PCSK2: variants seen among roughly 807,000 people sequenced by gnomAD.
PCSK2 encodes neuroendocrine convertase 2.
In PCSK2, 14 loss-of-function variants were observed where a neutral mutation model predicts 69.7. The ratio of observed to expected loss-of-function variants is 0.20; its 90% CI spans 0.13 to 0.31. PCSK2 has a LOEUF of 0.31. Ranked by LOEUF, PCSK2 falls within the 10% of genes least tolerant of loss-of-function variation. The pLI is 1.00. For synonymous variants in PCSK2, 307 were observed against 320.7 expected (o/e 0.96, Z 0.46); for missense variants, 544 against 842.5 (o/e 0.65, Z 4.39).
chr20:17,477,837 G>A (rs900641013), intron 11 of PCSK2, among the ~76,000 whole-genome samples: 2 of 152,078 alleles, frequency 1.3e-5, no homozygotes, highest in Non-Finnish European at 2.9e-5. Context: ...GATTGACTTC[G>A]CATTTGGTGG....
chr20:17,233,897 C>T lies in PCSK2; in HGVS notation c.177+6415C>T, dbSNP rs564082451. Among the ~76,000 whole-genome samples, 31 of 152,234 alleles carry T rather than the reference C, an allele frequency of 2.0e-4. No homozygotes were observed. In the South Asian group the frequency reaches 6.4e-3, roughly 32 times the overall value. On this transcript the variant is annotated intron_variant, in intron 1 of 11. Transcript: ENST00000262545. ...TGCCTGATGCATAAGAATTCTCTAT[C>T]GATTGTTTCTCTGTGTTCTGCTCTC...
intron 8 of PCSK2, among the ~76,000 whole-genome samples, chr20:17,449,287 T>C (rs1194073230): frequency 1.3e-5 from 2 of 152,094 alleles, no homozygotes; most frequent in Non-Finnish European, 2.9e-5. Context: ...CAGTGCTGGC[T>C]CTTGGGTCAT....
rs186304850 is a variant in PCSK2, at chr20:17,483,924, T to C, written c.*1854T>C. On this transcript the variant is annotated 3_prime_UTR_variant, in exon 12 of 12. Transcript: ENST00000262545. The stretch of plus-strand genomic sequence containing the variant: ...GAAATATATATACATATGTAGACTA[T>C]ATACATGTGTGTATATATGTGTATA... 47 of 152,734 alleles carry C rather than the reference T, an allele frequency of 3.1e-4. No homozygotes were observed. Among genetic ancestry groups the C allele is most frequent in the Admixed American group, 2.0e-3 (30 of 15,292 alleles). 9.5% of individuals were successfully genotyped at this position (152,734 alleles called of 1,614,324 possible). A position where few individuals can be genotyped will look rare whatever the true frequency, so the allele number is the denominator to read the frequency against.
chr20:17,277,599 C>T (rs1465094470), intron 2 of PCSK2, among the ~76,000 whole-genome samples: 9 of 142,824 alleles, frequency 6.3e-5, no homozygotes, highest in African/African-American at 2.2e-4. Context: ...AATGTTAGAC[C>T]TAAAACCATA....
intron 4 of PCSK2, among the ~76,000 whole-genome samples, chr20:17,362,710 G>C (rs1160095007): frequency 3.3e-5 from 5 of 152,220 alleles, no homozygotes; most frequent in African/African-American, 1.2e-4. Context: ...CGGTAACTCT[G>C]CCACTTATGT....
intron 2 of PCSK2, among the ~76,000 whole-genome samples, chr20:17,308,239 A>T (rs1989390527): frequency 6.6e-6 from 1 of 152,200 alleles, no homozygotes; most frequent in Non-Finnish European, 1.5e-5. Context: ...CCCCTGACCC[A>T]ACCACCTCCC....
At chr20:17,240,604 A>G (rs1407924830) in intron 1 of PCSK2, among the ~76,000 whole-genome samples, 1 of 152,216 alleles carries the variant, frequency 6.6e-6, no homozygotes, top group Non-Finnish European at 1.5e-5. Context: ...TGCTACACAG[A>G]GGACCTAAAG....
intron 6 of PCSK2, among the ~76,000 whole-genome samples, chr20:17,409,541 T>C (rs1289636398): frequency 6.6e-6 from 1 of 152,226 alleles, no homozygotes; most frequent in Non-Finnish European, 1.5e-5. Context: ...CTTTTGACTG[T>C]TTTGTTCTGC....
In PCSK2 at chr20:17,364,103, G is replaced by A. The variant is rs1015293607; in HGVS notation, c.505+3463G>A. ...GTATACACATGTAATTAACCTGCAC[G>A]TTGTGCACATGTACCCTAAAACTTA... is the stretch of plus-strand genomic sequence containing the variant. On this transcript the variant is annotated intron_variant, in intron 4 of 11. Transcript: ENST00000262545. 5.3e-5 allele frequency among the ~76,000 whole-genome samples: 8 copies of A among 151,536 alleles called. No individual in the cohort carries two copies. The East Asian group carries it at 1.4e-3, about 26-fold the overall frequency.
At chr20:17,462,358 A>T (rs2033027742) in intron 10 of PCSK2, among the ~76,000 whole-genome samples, 1 of 152,202 alleles carries the variant, frequency 6.6e-6, no homozygotes, top group Non-Finnish European at 1.5e-5. Context: ...CTCAAACATC[A>T]CTGTACAGAA....
chr20:17,449,534 A>ATATATATATGTATG (rs1187572390), intron 8 of PCSK2, among the ~76,000 whole-genome samples: 2 of 148,608 alleles, frequency 1.3e-5, no homozygotes, highest in Non-Finnish European at 1.5e-5. Context: ...ATGTATATAT[A>ATATATATATGTATG]TATATGTATA....
chr20:17,399,137 T>C (rs571336064), intron 5 of PCSK2, among the ~76,000 whole-genome samples: 5 of 152,368 alleles, frequency 3.3e-5, no homozygotes, highest in African/African-American at 1.2e-4. Context: ...ACAGTCCTAT[T>C]ATCAAAATGA....
At chr20:17,268,060 T>TATAAAA (rs1555783170) in intron 2 of PCSK2, among the ~76,000 whole-genome samples, 4 of 146,172 alleles carry the variant, frequency 2.7e-5, no homozygotes, top group African/African-American at 1.0e-4. Flanking sequence ...TATATATATA[T>TATAAAA]ATAATGCATT....
chr20:17,240,975 G>A (rs1273440433), intron 1 of PCSK2, among the ~76,000 whole-genome samples: 1 of 152,194 alleles, frequency 6.6e-6, no homozygotes, highest in Non-Finnish European at 1.5e-5. Flanking sequence ...TAAACATAGT[G>A]TTTGATCTGC....
At chr20:17,364,205 C>CAAAT (rs902128687) in intron 4 of PCSK2, among the ~76,000 whole-genome samples, 10 of 151,844 alleles carry the variant, frequency 6.6e-5, no homozygotes, top group African/African-American at 1.9e-4. Context: ...TCAATAAATT[C>CAAAT]AAATAAATAA....
chr20:17,440,779 T>C (rs2032578311), intron 8 of PCSK2, among the ~76,000 whole-genome samples: 1 of 151,784 alleles, frequency 6.6e-6, no homozygotes, highest in Non-Finnish European at 1.5e-5. Context: ...GGAGAATCAC[T>C]TGAACCCGGG....
intron 2 of PCSK2, among the ~76,000 whole-genome samples, chr20:17,354,779 A>G (rs556548297): frequency 6.6e-6 from 1 of 152,328 alleles, no homozygotes; most frequent in Admixed American, 6.5e-5. Flanking sequence ...GTGAAAAAAG[A>G]ATTCACAACT....
intron 2 of PCSK2, among the ~76,000 whole-genome samples, chr20:17,272,590 GATCAGC>G (rs1314423331): frequency 1.3e-5 from 2 of 151,938 alleles, no homozygotes; most frequent in Admixed American, 6.6e-5. Flanking sequence ...CTATGATTTT[GATCAGC>G]ATCAATATCT....
chr20:17,429,543 C>T lies in PCSK2; in HGVS notation c.709+20C>T, dbSNP rs1457020767. On this transcript the variant is annotated intron_variant, in intron 7 of 11. Coordinates refer to ENST00000262545, the MANE Select transcript of PCSK2 (RefSeq NM_002594.5). ...TTGCAGGTAAGCCATCCCTGCCAAA[C>T]AGAGGCCCCCACTAGGTATCACACT... The T allele has an allele frequency of 1.3e-6, 2 of 1,509,794 alleles. No individual in the cohort carries two copies. The highest frequency in any genetic ancestry group is 1.8e-6 in the Non-Finnish European group (2 of 1,085,390). 93.5% of individuals were successfully genotyped at this position (1,509,794 alleles called of 1,614,324 possible).
Sources: allele counts gnomAD v4.1 joint callset (sites outside exome capture counted in the v4.1 genomes callset), GRCh38; gene constraint gnomAD v4.1.1; transcripts MANE v1.5; gene names NCBI Gene and HGNC (gene_info 2026-07-23, HGNC 2026-07-21).